ZNF621: variants seen among roughly 807,000 people sequenced by gnomAD.
ZNF621 encodes the protein zinc finger protein 621.
In ZNF621, 6 loss-of-function variants were observed where a neutral mutation model predicts 12.7. The ratio of observed to expected loss-of-function variants is 0.47; its 90% CI spans 0.26 to 0.93. ZNF621 has a LOEUF of 0.93. Among genes scored for constraint, ZNF621 ranks in the 40% least tolerant of loss-of-function variants. The pLI is 0.15. For missense variants in ZNF621, 474 were observed against 524.0 expected (o/e 0.90, Z 0.93); for synonymous variants, 156 against 190.3 (o/e 0.82, Z 1.48).
At position 40,533,254 on chromosome 3, in the gene ZNF621, C is replaced by A; in HGVS notation, c.*164C>A. 1 of 1,151,580 alleles carries A rather than the reference C, an allele frequency of 8.7e-7. No homozygotes were observed. The highest frequency in any genetic ancestry group is 1.2e-6 in the Non-Finnish European group (1 of 844,826). 71.3% of individuals were successfully genotyped at this position (1,151,580 alleles called of 1,614,324 possible). ...CTCCTGGGTTCAAGCGATTCTCCTC[C>A]TTCAGACTCTCGAATAGCTGGGATT... On this transcript the variant is annotated 3_prime_UTR_variant, in exon 5 of 5. Coordinates refer to ENST00000339296, the MANE Select transcript of ZNF621 (RefSeq NM_198484.5).
intron 2 of ZNF621, 40 bp from the exon 3 acceptor site, chr3:40,529,279 A>G (rs1427079883): frequency 6.2e-7 from 1 of 1,605,044 alleles, no homozygotes; most frequent in Non-Finnish European, 8.5e-7. Flanking sequence ...TCTTCCTTCT[A>G]CTTCTCACTC....
In ZNF621 at chr3:40,539,486, A is replaced by G. The variant is rs1698951635; in HGVS notation, c.*6396A>G. 6.6e-6 allele frequency: 1 copy of G among 152,264 alleles called. No individual in the cohort carries two copies. The highest frequency in any genetic ancestry group is 2.4e-5 in the African/African-American group (1 of 41,476). The allele number at this position is 152,264 out of a possible 1,614,324, so 9.4% of individuals were successfully genotyped here. On this transcript the variant is annotated 3_prime_UTR_variant, in exon 5 of 5. Coordinates refer to ENST00000339296, the MANE Select transcript of ZNF621 (RefSeq NM_198484.5). ...GATATAATGCTATTGCAAACTTAAT[A>G]GACTATAATATAGATTAAACATAAC...
At chr3:40,530,726 C>T (rs542718822) in intron 4 of ZNF621, among the ~76,000 whole-genome samples, 1 of 152,310 alleles carries the variant, frequency 6.6e-6, no homozygotes, top group Non-Finnish European at 1.5e-5. Context: ...TTTAGGCCTT[C>T]AGCCCTGAAA....
chr3:40,535,519 C>T lies in ZNF621; in HGVS notation c.*2429C>T, dbSNP rs556899016. On this transcript the variant is annotated 3_prime_UTR_variant, in exon 5 of 5. Coordinates refer to ENST00000339296, the MANE Select transcript of ZNF621 (RefSeq NM_198484.5). Reference sequence around the variant, plus strand: ...CTGCTGGTGCCTGCTACTGGACTGCCACCCCCCATTGAAGAGACTGGACCA... The same window carrying T: ...CTGCTGGTGCCTGCTACTGGACTGCTACCCCCCATTGAAGAGACTGGACCA... 3.9e-5 allele frequency: 6 copies of T among 152,338 alleles called. No homozygotes were observed. The highest frequency in any genetic ancestry group is 1.5e-5 in the Non-Finnish European group (1 of 68,052). The allele number at this position is 152,338 out of a possible 1,614,324, so 9.4% of individuals were successfully genotyped here. A position where few individuals can be genotyped will look rare whatever the true frequency, so the allele number is the denominator to read the frequency against.
intron 3 of ZNF621, 93 bp from the exon 4 acceptor site, chr3:40,530,116 C>A: frequency 2.0e-6 from 2 of 1,024,664 alleles, no homozygotes; most frequent in Non-Finnish European, 2.9e-6. Context: ...CAATTTCTCT[C>A]CCAAGTAGCC....
rs1351758635 is a variant in ZNF621 at position 40,538,966 on chromosome 3, G to A, written c.*5876G>A. On this transcript the variant is annotated 3_prime_UTR_variant, in exon 5 of 5. Coordinates refer to ENST00000339296, the MANE Select transcript of ZNF621 (RefSeq NM_198484.5). ...AGACTTAGAAGTGGAACCTGCATAT[G>A]TGACTGAATTGCTGCAATCTCATGA... The A allele has an allele frequency of 6.6e-6, 1 of 152,630 alleles. No individual in the cohort carries two copies. Among genetic ancestry groups the A allele is most frequent in the African/African-American group, 2.4e-5 (1 of 41,470 alleles). The allele number at this position is 152,630 out of a possible 1,614,324, so 9.5% of individuals were successfully genotyped here. A position where few individuals can be genotyped will look rare whatever the true frequency, so the allele number is the denominator to read the frequency against.
At position 40,533,118 on chromosome 3, in the gene ZNF621, T is replaced by G; in HGVS notation, c.*28T>G. 1 of 1,539,524 alleles carries G rather than the reference T, an allele frequency of 6.5e-7. No homozygotes were observed. On this transcript the variant is annotated 3_prime_UTR_variant, in exon 5 of 5. Coordinates refer to ENST00000339296, the MANE Select transcript of ZNF621 (RefSeq NM_198484.5). Reference sequence around the variant, plus strand: ...TTTATCTTGGCAGTCTTACGGCTCTTATGCCTAGCAAATCTCCAGCCTAAT... The same window carrying G: ...TTTATCTTGGCAGTCTTACGGCTCTGATGCCTAGCAAATCTCCAGCCTAAT...
rs1321448089 is a variant in ZNF621 at position 40,535,934 on chromosome 3, A to C, written c.*2844A>C. ...AAATTCCAGAGGGGTGTGTGTATAG[A>C]GAGGCAAAGGACACAGAGTAGCTAA... On this transcript the variant is annotated 3_prime_UTR_variant, in exon 5 of 5. Transcript: ENST00000339296. The C allele has an allele frequency of 1.3e-5, 2 of 152,168 alleles. No individual in the cohort carries two copies. Among genetic ancestry groups the C allele is most frequent in the Non-Finnish European group, 2.9e-5 (2 of 68,032 alleles). 9.4% of individuals were successfully genotyped at this position (152,168 alleles called of 1,614,324 possible).
In ZNF621 at chr3:40,537,916, C is replaced by A. The variant is rs920822093; in HGVS notation, c.*4826C>A. Among the ~76,000 whole-genome samples the A allele has an allele frequency of 1.3e-5, 2 of 152,190 alleles. No homozygotes were observed. On this transcript the variant is annotated 3_prime_UTR_variant, in exon 5 of 5. Transcript: ENST00000339296. ...CACGAGATTTTCAGTGTATTCCAAA[C>A]AGCCTTCTTTTGGAAGAAGAAACCA...
upstream of ZNF621, among the ~76,000 whole-genome samples, chr3:40,523,789 A>C (rs1698512521): frequency 8.3e-6 from 1 of 120,908 alleles, no homozygotes; most frequent in Admixed American, 7.8e-5. Context: ...AACAAAAAAC[A>C]AGCAAAAAAA....
In ZNF621 at chr3:40,529,449, A is replaced by G. The variant is rs1698669884; in HGVS notation, c.151+4A>G. On this transcript the variant is annotated splice_donor_region_variant and intron_variant, in intron 3 of 4. Coordinates refer to ENST00000339296, the MANE Select transcript of ZNF621 (RefSeq NM_198484.5). ...TATGCAAATGTGGCTTCTCTGGGTA[A>G]GGCCTCCCTCTGTGGCCCTTTGTAA... 2 of 1,612,616 alleles carry G rather than the reference A, an allele frequency of 1.2e-6. No homozygotes were observed. The highest frequency in any genetic ancestry group is 1.7e-6 in the Non-Finnish European group (2 of 1,179,054).
At chr3:40,531,807 G>A (rs1318019898) in intron 4 of ZNF621, among the ~76,000 whole-genome samples, 5 of 151,974 alleles carry the variant, frequency 3.3e-5, no homozygotes, top group Admixed American at 2.6e-4. Flanking sequence ...CAAGCCATCC[G>A]CCTGCCTCAG....
chr3:40,524,720 G>T (rs139197288), upstream of ZNF621, among the ~76,000 whole-genome samples: 1 of 152,200 alleles, frequency 6.6e-6, no homozygotes, highest in Non-Finnish European at 1.5e-5. Context: ...TCTCGGTAGA[G>T]CCAGGCTGTA....
rs1159646345 is a variant in ZNF621 at position 40,533,210 on chromosome 3, G to A, written c.*120G>A. On this transcript the variant is annotated 3_prime_UTR_variant, in exon 5 of 5. Transcript: ENST00000339296. ...GGCTAGAGTGCGGTGGTGTGATCTT[G>A]GCTCACTGCAACCTCCCCCTCCTGG... 1.3e-5 allele frequency: 19 copies of A among 1,429,018 alleles called. No homozygotes were observed. The highest frequency in any genetic ancestry group is 1.7e-5 in the Non-Finnish European group (18 of 1,088,492). The allele number at this position is 1,429,018 out of a possible 1,614,324, so 88.5% of individuals were successfully genotyped here. A position where few individuals can be genotyped will look rare whatever the true frequency, so the allele number is the denominator to read the frequency against.
chr3:40,537,024 CATCTCT>C lies in ZNF621; in HGVS notation c.*3935_*3940del, dbSNP rs1280467620. Reference sequence around the variant, plus strand: ...ATTACTCCACTAACTGATGGTTCCCCATCTCTCTCCCTCTCCTCAGACCTCACTATT... The same window carrying C: ...ATTACTCCACTAACTGATGGTTCCCCCTCCCTCTCCTCAGACCTCACTATT... On this transcript the variant is annotated 3_prime_UTR_variant, in exon 5 of 5. Transcript: ENST00000339296. 37 of 152,176 alleles carry C rather than the reference CATCTCT, an allele frequency of 2.4e-4. No homozygotes were observed. The highest frequency in any genetic ancestry group is 7.7e-4 in the African/African-American group (32 of 41,420). 9.4% of individuals were successfully genotyped at this position (152,176 alleles called of 1,614,324 possible).
intron 3 of ZNF621, 97 bp from the exon 4 acceptor site, chr3:40,530,112 C>A: frequency 1.0e-6 from 1 of 965,562 alleles, no homozygotes. Context: ...TGTTCAATTT[C>A]TCTCCCAAGT....
intron 2 of ZNF621, among the ~76,000 whole-genome samples, chr3:40,526,079 T>C (rs1293671497): frequency 2.6e-5 from 4 of 152,202 alleles, no homozygotes; most frequent in Non-Finnish European, 5.9e-5. Context: ...TGTATAGATT[T>C]AAATGGAAGA....
chr3:40,526,807 G>C (rs1011420762), intron 2 of ZNF621, among the ~76,000 whole-genome samples: 1 of 152,174 alleles, frequency 6.6e-6, no homozygotes, highest in Non-Finnish European at 1.5e-5. Flanking sequence ...GTGGCAAATT[G>C]ATGGTAGAAA....
intron 2 of ZNF621, among the ~76,000 whole-genome samples, chr3:40,527,335 A>T (rs952264416): frequency 6.9e-4 from 95 of 136,864 alleles, no homozygotes; most frequent in African/African-American, 2.1e-3. Context: ...CCATTTTTAA[A>T]TTTTTTTTTT....
Sources: allele counts gnomAD v4.1 joint callset (sites outside exome capture counted in the v4.1 genomes callset), GRCh38; gene constraint gnomAD v4.1.1; transcripts MANE v1.5; gene names NCBI Gene and HGNC (gene_info 2026-07-23, HGNC 2026-07-21).